DLG2: variants seen among roughly 807,000 people sequenced by gnomAD.
The protein encoded by DLG2 is discs large MAGUK scaffold protein 2.
DLG2 carries 45 observed loss-of-function variants against 132.5 expected under a neutral mutation model. The observed-to-expected ratio is 0.34, with a 90% CI of 0.27 to 0.44. The LOEUF (loss-of-function observed/expected upper bound fraction) is 0.44. Ranked by LOEUF, DLG2 falls within the 20% of genes least tolerant of loss-of-function variation. DLG2 has a pLI of 1.00. For synonymous variants in DLG2, 424 were observed against 419.6 expected, an observed-to-expected ratio of 1.01 and a Z score of -0.13; for missense variants, 1,045 against 1,196.9, an observed-to-expected ratio of 0.87 and a Z score of 1.87.
At chr11:85,051,064 T>C (rs1476535072) in intron 6 of DLG2, among the ~76,000 whole-genome samples, 1 of 152,150 alleles carries the variant, frequency 6.6e-6, no homozygotes, top group East Asian at 1.9e-4. Flanking sequence ...GTCTGAAGCA[T>C]TGTCATGCTT....
chr11:84,346,563 G>C (rs772464816), intron 7 of DLG2, among the ~76,000 whole-genome samples: 9 of 152,166 alleles, frequency 5.9e-5, no homozygotes, highest in Non-Finnish European at 1.2e-4. Flanking sequence ...CTTACTGACT[G>C]TAATCTGGAG....
chr11:84,640,383 G>T, intron 6 of DLG2: 1 of 375,398 alleles, frequency 2.7e-6, no homozygotes, highest in Non-Finnish European at 4.7e-6. Flanking sequence ...GCCAAATGTT[G>T]CTTGTTTGGT....
At chr11:84,271,988 T>C (rs1246380802) in intron 7 of DLG2, among the ~76,000 whole-genome samples, 1 of 139,088 alleles carries the variant, frequency 7.2e-6, no homozygotes, top group Non-Finnish European at 1.6e-5. Flanking sequence ...AGAAGTCTCA[T>C]AAACATAGGA....
chr11:84,951,261 A>G (rs2050873542), intron 6 of DLG2, among the ~76,000 whole-genome samples: 1 of 152,224 alleles, frequency 6.6e-6, no homozygotes, highest in African/African-American at 2.4e-5. Context: ...CTTTACAAGC[A>G]TCCTATATGG....
At chr11:85,191,136 A>G (rs2080499425) in intron 4 of DLG2, among the ~76,000 whole-genome samples, 1 of 150,214 alleles carries the variant, frequency 6.7e-6, no homozygotes, top group Non-Finnish European at 1.5e-5. Context: ...TCATTTGTCT[A>G]TATGCATGCG....
intron 7 of DLG2, among the ~76,000 whole-genome samples, chr11:84,285,576 T>C (rs1445455369): frequency 6.6e-6 from 1 of 152,176 alleles, no homozygotes; most frequent in Non-Finnish European, 1.5e-5. Flanking sequence ...GCTTACCAGA[T>C]CCCTGTCCTC....
intron 6 of DLG2, among the ~76,000 whole-genome samples, chr11:85,047,467 G>T (rs1385700879): frequency 6.6e-6 from 1 of 151,864 alleles, no homozygotes; most frequent in Non-Finnish European, 1.5e-5. Flanking sequence ...ACCTTTTCAG[G>T]TTGAGGCATT....
intron 8 of DLG2, among the ~76,000 whole-genome samples, chr11:84,198,843 G>T (rs373489678): frequency 1.3e-4 from 20 of 152,104 alleles, no homozygotes; most frequent in East Asian, 5.8e-4. Flanking sequence ...GAGTATAAAA[G>T]ACATACATTT....
At chr11:84,082,249 T>G (rs2154156737) in intron 10 of DLG2, among the ~76,000 whole-genome samples, 1 of 152,210 alleles carries the variant, frequency 6.6e-6, no homozygotes, top group South Asian at 2.1e-4. Context: ...AATGCCTGTG[T>G]TATGGTATTA....
intron 7 of DLG2, among the ~76,000 whole-genome samples, chr11:84,309,934 A>T (rs1404283901): frequency 6.6e-6 from 1 of 152,208 alleles, no homozygotes; most frequent in Non-Finnish European, 1.5e-5. Flanking sequence ...GTTACACAGC[A>T]AGTATCTTAT....
At chr11:84,639,582 A>G (rs1484721002) in intron 6 of DLG2, among the ~76,000 whole-genome samples, 1 of 152,176 alleles carries the variant, frequency 6.6e-6, no homozygotes, top group Non-Finnish European at 1.5e-5. Flanking sequence ...TCATAAGGCT[A>G]ATTACTAAGA....
intron 16 of DLG2, among the ~76,000 whole-genome samples, chr11:83,847,641 A>AT: frequency 6.6e-6 from 1 of 152,178 alleles, no homozygotes; most frequent in East Asian, 1.9e-4. Context: ...TCCATATTGT[A>AT]TAACTAGGGG....
chr11:84,436,960 G>A lies in DLG2; in HGVS notation c.519+97610C>T, dbSNP rs145420814. 2.7e-3 allele frequency among the ~76,000 whole-genome samples: 412 copies of A among 152,258 alleles called. 1 individual carries two copies. Among genetic ancestry groups the A allele is most frequent in the African/African-American group, 9.6e-3 (400 of 41,542 alleles). On this transcript the variant is annotated intron_variant, in intron 7 of 27. Coordinates refer to ENST00000376104, the MANE Select transcript of DLG2 (RefSeq NM_001142699.3). ...TCCTAGGACACACACTGTAACACATGTACTAGAGAAAGGCTCAGGTATTTA... is the reference window on the plus strand; with the variant it reads ...TCCTAGGACACACACTGTAACACATATACTAGAGAAAGGCTCAGGTATTTA...
At chr11:84,788,169 T>A (rs2073245560) in intron 6 of DLG2, among the ~76,000 whole-genome samples, 2 of 113,224 alleles carry the variant, frequency 1.8e-5, no homozygotes, top group African/African-American at 6.9e-5. Flanking sequence ...CACATCCAGA[T>A]AAAGGACAAA....
intron 3 of DLG2, among the ~76,000 whole-genome samples, chr11:85,459,174 G>T (rs1323909951): frequency 6.6e-6 from 1 of 152,168 alleles, no homozygotes. Context: ...TTCAAGGACA[G>T]CAAGGTCACT....
chr11:83,473,562 G>A (rs922590298), intron 22 of DLG2, among the ~76,000 whole-genome samples: 2 of 152,024 alleles, frequency 1.3e-5, no homozygotes, highest in Non-Finnish European at 2.9e-5. Context: ...TAATTGGTCA[G>A]AGGATTAGCT....
chr11:84,854,714 G>A (rs2082557882), intron 6 of DLG2, among the ~76,000 whole-genome samples: 1 of 151,930 alleles, frequency 6.6e-6, no homozygotes, highest in African/African-American at 2.4e-5. Context: ...TGCCCAAAAT[G>A]CCTTCTTCAT....
rs1172868485 is a variant in DLG2, at chr11:83,762,055, C to T, written c.1825+24635G>A. On this transcript the variant is annotated intron_variant, in intron 18 of 27. Coordinates refer to ENST00000376104, the MANE Select transcript of DLG2 (RefSeq NM_001142699.3). Reference sequence around the variant, plus strand: ...CTAACTCCCAGGCTATTTAAGAGCTCAAAGCAGATGATATGTAAGTAAAAA... The same window carrying T: ...CTAACTCCCAGGCTATTTAAGAGCTTAAAGCAGATGATATGTAAGTAAAAA... 2.0e-5 allele frequency among the ~76,000 whole-genome samples: 3 copies of T among 152,024 alleles called. No homozygotes were observed. The East Asian group carries it at 5.8e-4, about 29-fold the overall frequency.
intron 3 of DLG2, among the ~76,000 whole-genome samples, chr11:85,529,597 C>A (rs57225595): frequency 0.011 from 1,732 of 152,196 alleles, 31 homozygotes; most frequent in African/African-American, 0.039. Context: ...CTTTGGTGAA[C>A]AAGTCTACTC....
Sources: gnomAD v4.1 joint callset for allele counts (sites outside exome capture counted in the v4.1 genomes callset) on GRCh38, gnomAD v4.1.1 for gene constraint, MANE v1.5 for transcripts, NCBI Gene and HGNC (gene_info 2026-07-23, HGNC 2026-07-21) for gene names.